FRMPD1: variants seen among roughly 807,000 people sequenced by gnomAD.
The protein encoded by FRMPD1 is FERM and PDZ domain-containing protein 1.
FRMPD1 carries 76 observed loss-of-function variants against 117.8 expected under a neutral mutation model. That is an observed-to-expected ratio of 0.65 (90% CI 0.54 to 0.78). FRMPD1 has a LOEUF of 0.78. Ranked by LOEUF, FRMPD1 falls within the 30% of genes least tolerant of loss-of-function variation. FRMPD1 has a pLI of 0.00. For missense variants in FRMPD1, 1,786 were observed against 1,964.5 expected, an observed-to-expected ratio of 0.91 and a Z score of 1.72; for synonymous variants, 783 against 770.4, an observed-to-expected ratio of 1.02 and a Z score of -0.27.
chr9:37,614,454 G>T, the FRMPD1 span, among the ~76,000 whole-genome samples: 1 of 152,210 alleles, frequency 6.6e-6, no homozygotes. Context: ...TTGCACAAGG[G>T]CGTCAGTTCC....
rs1588967059 is a variant in FRMPD1, at chr9:37,733,774, C to T, written c.1167C>T (p.Ile389=). The T allele has an allele frequency of 1.1e-5, 17 of 1,607,338 alleles. No homozygotes were observed. Among genetic ancestry groups the T allele is most frequent in the Non-Finnish European group, 1.4e-5 (17 of 1,173,984 alleles). Residue 389 remains isoleucine (I), a synonymous_variant, in exon 12 of 16, where the codon ATC becomes ATT. Transcript: ENST00000377765. ...AAQLRLNYLQ[I]LGELKTYGGR... is the part of the protein sequence containing the mutation. The stretch of plus-strand genomic sequence containing the variant: ...AGCTACGTTTAAATTATCTACAGAT[C>T]CTCGGAGAACTCAAGACATATGGTG...
Position 37,737,261 on chromosome 9 carries a change from G to A in FRMPD1, c.1549+18G>A. The A allele has an allele frequency of 6.2e-7, 1 of 1,613,536 alleles. No homozygotes were observed. The highest frequency in any genetic ancestry group is 2.2e-5 in the East Asian group (1 of 44,870). On this transcript the variant is annotated intron_variant, in intron 14 of 15. Transcript: ENST00000377765. ...AGAAGAAGGTGAGGCACTGAGTCTT[G>A]CCCCAATAAGGACAGGCCCCTTTCA...
chr9:37,603,616 G>A, the FRMPD1 span, among the ~76,000 whole-genome samples: 1 of 152,080 alleles, frequency 6.6e-6, no homozygotes, highest in African/African-American at 2.4e-5. Flanking sequence ...CATATTTGGG[G>A]AGGTTTTTGT....
chr9:37,632,110 T>C, the FRMPD1 span, among the ~76,000 whole-genome samples: 1 of 152,186 alleles, frequency 6.6e-6, no homozygotes, highest in East Asian at 1.9e-4. Flanking sequence ...ATTTAACACA[T>C]CTATTTAAAC....
At chr9:37,637,039 G>A in the FRMPD1 span, 5 of 1,545,642 alleles carry the variant, frequency 3.2e-6, no homozygotes, top group Non-Finnish European at 4.5e-6. Context: ...CATATACCAC[G>A]AGGAAGCCAT....
rs199936196 is a variant in FRMPD1, at chr9:37,740,655, G to C, written c.2127G>C (p.Leu709=). 1 of 1,614,186 alleles carries C rather than the reference G, an allele frequency of 6.2e-7. No individual in the cohort carries two copies. The highest frequency in any genetic ancestry group is 2.2e-5 in the East Asian group (1 of 44,872). The change falls in exon 15 of 16, where the codon CTG becomes CTC. Residue 709 remains leucine (L), a synonymous_variant. Transcript: ENST00000377765. The surrounding 1 kb of genome is among the most constrained non-coding windows in gnomAD (Gnocchi z 4.2). ...GCAGCCACGCTGACTACTACAGCCT[G>C]TGTTCCAGTGTCTCCCCGGCCAGCT... ...YEGSHADYYS[L]CSSVSPASYL...
chr9:37,612,256 C>G, the FRMPD1 span, among the ~76,000 whole-genome samples: 3 of 152,174 alleles, frequency 2.0e-5, no homozygotes, highest in Admixed American at 6.5e-5. Context: ...TGTGGGAGTT[C>G]AGAACACTCA....
At chr9:37,622,902 C>T in the FRMPD1 span, among the ~76,000 whole-genome samples, 2 of 149,966 alleles carry the variant, frequency 1.3e-5, no homozygotes, top group African/African-American at 4.9e-5. Context: ...AGCTTTAGCA[C>T]ATTTAGTTAG....
At chr9:37,622,203 G>A in the FRMPD1 span, among the ~76,000 whole-genome samples, 6 of 152,176 alleles carry the variant, frequency 3.9e-5, no homozygotes, top group African/African-American at 7.2e-5. Flanking sequence ...CTGAGCTCTG[G>A]GCACATGGGT....
At chr9:37,625,485 A>G in the FRMPD1 span, among the ~76,000 whole-genome samples, 3 of 152,150 alleles carry the variant, frequency 2.0e-5, no homozygotes, top group Non-Finnish European at 2.9e-5. Flanking sequence ...GTGGACGCGC[A>G]GGAGTGTTTC....
the FRMPD1 span, among the ~76,000 whole-genome samples, chr9:37,606,419 C>T: frequency 1.3e-5 from 2 of 152,144 alleles, no homozygotes; most frequent in East Asian, 3.9e-4. Flanking sequence ...TGCCTTGTTT[C>T]ACTCTCAGAA....
chr9:37,729,994 C>T, intron 8 of FRMPD1, 141 bp downstream of exon 8: 1 of 823,248 alleles, frequency 1.2e-6, no homozygotes, highest in Non-Finnish European at 1.9e-6. Flanking sequence ...AGAGCTCACT[C>T]AGCCTGGGGG....
At chr9:37,617,342 G>A in the FRMPD1 span, among the ~76,000 whole-genome samples, 31 of 152,204 alleles carry the variant, frequency 2.0e-4, no homozygotes, top group Non-Finnish European at 3.5e-4. Flanking sequence ...CTCAGAGAGC[G>A]TTGCATTCAG....
At chr9:37,633,027 A>ATTTTTT in the FRMPD1 span, among the ~76,000 whole-genome samples, 1 of 47,938 alleles carries the variant, frequency 2.1e-5, no homozygotes, top group Non-Finnish European at 4.7e-5. Context: ...TTATATATAT[A>ATTTTTT]TATATTTTTC....
At chr9:37,691,470 A>C (rs1822136994) in intron 1 of FRMPD1, among the ~76,000 whole-genome samples, 1 of 152,236 alleles carries the variant, frequency 6.6e-6, no homozygotes, top group Non-Finnish European at 1.5e-5. Flanking sequence ...TACCAATGTT[A>C]ATTTCTTAAT....
At chr9:37,714,118 A>C (rs906539557) in intron 5 of FRMPD1, among the ~76,000 whole-genome samples, 14 of 152,224 alleles carry the variant, frequency 9.2e-5, no homozygotes, top group Non-Finnish European at 1.0e-4. Flanking sequence ...GATAAATGGA[A>C]GTTCTTCTAT....
In FRMPD1 at chr9:37,708,302, G is replaced by T. The variant is rs150574889; in HGVS notation, c.260-97G>T. The T allele has an allele frequency of 1.2e-4, 90 of 720,282 alleles. 1 individual carries two copies. The African/African-American group carries it at 1.3e-3, about 10-fold the overall frequency. The allele number at this position is 720,282 out of a possible 1,614,324, so 44.6% of individuals were successfully genotyped here. ...GCGGGGGAGTGAGCCAGTGCCCCTG[G>T]GAACTGGATCAGGGTGCCATTTAAC... On this transcript the variant is annotated intron_variant, in intron 3 of 15. Transcript: ENST00000377765.
At chr9:37,663,845 G>T (rs994299925) in intron 1 of FRMPD1, among the ~76,000 whole-genome samples, 2 of 152,172 alleles carry the variant, frequency 1.3e-5, no homozygotes, top group African/African-American at 4.8e-5. Flanking sequence ...ATACCTAATA[G>T]AGTGTAAATG....
intron 5 of FRMPD1, among the ~76,000 whole-genome samples, 160 bp downstream of exon 5, chr9:37,711,555 G>C (rs531252809): frequency 6.6e-6 from 1 of 152,150 alleles, no homozygotes; most frequent in Non-Finnish European, 1.5e-5. Context: ...GTTATCTGAA[G>C]ACCTCCTCCA....
Sources: gnomAD v4.1 joint callset for allele counts (sites outside exome capture counted in the v4.1 genomes callset) on GRCh38, gnomAD v4.1.1 for gene constraint, Gnocchi (gnomAD v3.1) non-coding constraint, MANE v1.5 for transcripts, NCBI Gene and HGNC (gene_info 2026-07-23, HGNC 2026-07-21) for gene names.